Variants in PMM2 observed in about 807,000 individuals in gnomAD.
PMM2 encodes the protein mannose-6-phosphate isomerase.
Under a neutral mutation model 33.2 loss-of-function variants are expected in PMM2, and 35 were observed. That is an observed-to-expected ratio of 1.06 (90% CI 0.81 to 1.40). PMM2 has a LOEUF of 1.40. PMM2 is among the 40% of genes most tolerant of loss of function. PMM2 has a pLI of 0.00. For synonymous variants in PMM2, 153 were observed against 114.7 expected, an observed-to-expected ratio of 1.33 and a Z score of -2.13; for missense variants, 386 against 306.0, an observed-to-expected ratio of 1.26 and a Z score of -1.95.
At chr16:8,842,163 G>A (rs1337250461) in intron 7 of PMM2, 1 of 151,762 alleles carries the variant, frequency 6.6e-6, no homozygotes, top group Admixed American at 6.6e-5. Context: ...AGGGATTGAG[G>A]TTTGGGAGAT....
intron 1 of PMM2, 44 bp from the exon 2 acceptor site, chr16:8,801,755 A>G (rs760824094): frequency 8.4e-7 from 1 of 1,190,306 alleles, no homozygotes; most frequent in Non-Finnish European, 1.2e-6. Context: ...TCTCCTGATT[A>G]TTGTGTGGCT....
chr16:8,802,230 C>T, intron 2 of PMM2: 1 of 457,906 alleles, frequency 2.2e-6, no homozygotes, highest in East Asian at 6.8e-5. Flanking sequence ...TAGCCCCAGT[C>T]AGACCGGTCT....
rs1199942055 is a variant in PMM2 at position 8,820,960 on chromosome 16, C to G, written c.639+7854C>G. 5.3e-5 allele frequency among the ~76,000 whole-genome samples: 8 copies of G among 151,642 alleles called. No homozygotes were observed. The East Asian group carries it at 1.6e-3, about 30-fold the overall frequency. On this transcript the variant is annotated intron_variant, in intron 7 of 7. Transcript: ENST00000268261. ...TTAGTGAACCATGTCCTCCTGTCCTCAGGTTCCAAGTTAGGCTTTGGATGG... is the reference window on the plus strand; with the variant it reads ...TTAGTGAACCATGTCCTCCTGTCCTGAGGTTCCAAGTTAGGCTTTGGATGG...
At position 8,801,869 on chromosome 16, in the gene PMM2, G is replaced by A. The variant is rs2141017011; in HGVS notation, c.137G>A (p.Gly46Glu). Residue 46 changes from glycine (G) to glutamate (E), a missense_variant, in exon 2 of 8, where the codon GGA becomes GAA. Transcript: ENST00000268261. ...RQKIKIGVVG[G>E]SDFEKVQEQL... The stretch of plus-strand genomic sequence containing the variant: ...AAGATCAAAATCGGAGTGGTAGGCG[G>A]ATCGGACTTTGAGAAAGTGCAGGAG... 3 of 1,612,268 alleles carry A rather than the reference G, an allele frequency of 1.9e-6. No individual in the cohort carries two copies. Among genetic ancestry groups the A allele is most frequent in the Non-Finnish European group, 2.5e-6 (3 of 1,178,690 alleles).
At chr16:8,818,275 G>A (rs554764830) in intron 7 of PMM2, among the ~76,000 whole-genome samples, 5 of 152,336 alleles carry the variant, frequency 3.3e-5, no homozygotes, top group African/African-American at 9.6e-5. Flanking sequence ...GCAGAGGCAC[G>A]TTGGGTGGTT....
At chr16:8,828,401 C>T (rs898462615) in intron 7 of PMM2, among the ~76,000 whole-genome samples, 3 of 152,144 alleles carry the variant, frequency 2.0e-5, no homozygotes, top group Non-Finnish European at 4.4e-5. Flanking sequence ...GAACCAGACC[C>T]AGGCTACCAC....
At chr16:8,847,388 A>AAG (rs1360658111) in intron 7 of PMM2, among the ~76,000 whole-genome samples, 9 of 151,608 alleles carry the variant, frequency 5.9e-5, no homozygotes, top group Non-Finnish European at 1.0e-4. Context: ...AAAAAAAAAA[A>AAG]AAAAACTGAT....
intron 7 of PMM2, chr16:8,832,024 C>A: frequency 4.0e-6 from 2 of 496,068 alleles, no homozygotes; most frequent in Non-Finnish European, 5.2e-6. Context: ...ATATGCAAAT[C>A]CAGCATTTGA....
At chr16:8,806,203 T>C in intron 3 of PMM2, 113 bp from the exon 4 acceptor site, 6 of 750,584 alleles carry the variant, frequency 8.0e-6, no homozygotes, top group South Asian at 4.2e-5. Flanking sequence ...CCATCACTGC[T>C]ACATCAGCCT....
chr16:8,813,162 A>T, intron 7 of PMM2, 56 bp downstream of exon 7: 2 of 1,101,822 alleles, frequency 1.8e-6, no homozygotes, highest in South Asian at 2.5e-5. Flanking sequence ...TGATGGGGGA[A>T]ATTGACAACT....
At chr16:8,805,909 G>A (rs1368230948) in intron 3 of PMM2, among the ~76,000 whole-genome samples, 1 of 152,122 alleles carries the variant, frequency 6.6e-6, no homozygotes, top group Non-Finnish European at 1.5e-5. Context: ...ATTTTTAAGA[G>A]GTACTGTGTA....
intron 7 of PMM2, among the ~76,000 whole-genome samples, chr16:8,816,267 C>T (rs977136451): frequency 3.9e-5 from 6 of 151,950 alleles, no homozygotes; most frequent in Non-Finnish European, 7.4e-5. Context: ...GCTGGGATTA[C>T]AGGCGCCCGC....
intron 3 of PMM2, among the ~76,000 whole-genome samples, chr16:8,805,553 G>A (rs2060642674): frequency 6.6e-6 from 1 of 151,868 alleles, no homozygotes; most frequent in African/African-American, 2.4e-5. Context: ...TTTCTATGAT[G>A]ATAAAACTAG....
In PMM2 at chr16:8,804,061, CAG is replaced by C. The variant is rs1487613909; in HGVS notation, c.179-703_179-702del. On this transcript the variant is annotated intron_variant, in intron 2 of 7. Coordinates refer to ENST00000268261, the MANE Select transcript of PMM2 (RefSeq NM_000303.3). The stretch of plus-strand genomic sequence containing the variant: ...TTTTTTTTTTTTTTTTGACGTTAGA[CAG>C]AGTCTTGCACCGTTGCCGAGGCTGG... Among the ~76,000 whole-genome samples, 36 of 99,092 alleles carry C rather than the reference CAG, an allele frequency of 3.6e-4. 1 individual carries two copies. The allele number at this position is 99,092 out of a possible 152,430, so 65.0% of individuals were successfully genotyped here.
intron 7 of PMM2, 37 bp downstream of exon 7, chr16:8,813,143 A>G (rs2060687391): frequency 7.8e-7 from 1 of 1,279,380 alleles, no homozygotes; most frequent in Non-Finnish European, 1.1e-6. Context: ...TCATTGTTGC[A>G]TTTGCGCTTG....
intron 7 of PMM2, among the ~76,000 whole-genome samples, chr16:8,846,506 A>G (rs1178081166): frequency 6.6e-6 from 1 of 152,152 alleles, no homozygotes; most frequent in Non-Finnish European, 1.5e-5. Flanking sequence ...GGAGCGGCAG[A>G]TAACCTGATT....
intron 7 of PMM2, among the ~76,000 whole-genome samples, chr16:8,828,851 T>G (rs1416295156): frequency 6.6e-6 from 1 of 152,212 alleles, no homozygotes; most frequent in Non-Finnish European, 1.5e-5. Context: ...TGGCAGGTAG[T>G]AGGTGTTCTA....
chr16:8,837,877 C>T (rs551261571), intron 7 of PMM2, among the ~76,000 whole-genome samples: 3 of 152,038 alleles, frequency 2.0e-5, no homozygotes, highest in African/African-American at 4.8e-5. Context: ...AGTCTCTGAC[C>T]GGCGCCGGAG....
intron 3 of PMM2, among the ~76,000 whole-genome samples, 157 bp downstream of exon 3, chr16:8,805,000 AT>A (rs755623953): frequency 2.0e-5 from 3 of 152,206 alleles, no homozygotes; most frequent in Non-Finnish European, 4.4e-5. Context: ...ACTATTACAT[AT>A]TCTACATTGA....
Sources: allele counts gnomAD v4.1 joint callset (sites outside exome capture counted in the v4.1 genomes callset), GRCh38; gene constraint gnomAD v4.1.1; transcripts MANE v1.5; gene names NCBI Gene and HGNC (gene_info 2026-07-23, HGNC 2026-07-21).